The following SLC39A11 variants were observed in gnomAD, a reference collection of about 807,000 sequenced individuals.
The protein encoded by SLC39A11 is zinc transporter ZIP11.
Under a neutral mutation model 36.1 loss-of-function variants are expected in SLC39A11, and 33 were observed. The observed-to-expected ratio is 0.91, with a 90% CI of 0.69 to 1.22. SLC39A11 has a LOEUF of 1.22. Ranked by LOEUF, SLC39A11 falls within the 50% of genes most tolerant of loss-of-function variation. The probability of loss-of-function intolerance (pLI) is 0.00; values close to 1 mark genes in which losing one functional copy is unlikely to be tolerated. For synonymous variants in SLC39A11, 166 were observed against 170.3 expected (o/e 0.97, Z 0.20); for missense variants, 432 against 430.3 (o/e 1.00, Z -0.03).
chr17:72,693,908 C>T (rs528366346), intron 7 of SLC39A11, among the ~76,000 whole-genome samples: 5 of 152,278 alleles, frequency 3.3e-5, no homozygotes, highest in South Asian at 2.1e-4. Context: ...GTGATCCACC[C>T]GCCTCGGCCT....
chr17:72,710,201 T>G (rs1311286300), intron 7 of SLC39A11, among the ~76,000 whole-genome samples: 1 of 152,256 alleles, frequency 6.6e-6, no homozygotes, highest in Non-Finnish European at 1.5e-5. Context: ...TGCCAGTGAC[T>G]TTCTACTCTG....
In SLC39A11 at chr17:72,704,144, T is replaced by C. The variant is rs78934607; in HGVS notation, c.671+32506A>G. On this transcript the variant is annotated intron_variant, in intron 7 of 9. Coordinates refer to ENST00000255559, the MANE Select transcript of SLC39A11 (RefSeq NM_139177.4). ...CTCTTTCCAAAACAACAACAACTAT[T>C]ATTTTTACCAGAGCATACCTGCTAT... Among the ~76,000 whole-genome samples the C allele has an allele frequency of 7.9e-3, 1,201 of 152,284 alleles. 16 individuals carry two copies. The highest frequency in any genetic ancestry group is 0.028 in the African/African-American group (1,156 of 41,544).
At chr17:72,939,736 G>C (rs1222226523) in intron 5 of SLC39A11, among the ~76,000 whole-genome samples, 1 of 152,148 alleles carries the variant, frequency 6.6e-6, no homozygotes, top group Non-Finnish European at 1.5e-5. Flanking sequence ...GAGAGAGTGT[G>C]GCCCTGCTGA....
chr17:72,804,936 A>G (rs994485138), intron 6 of SLC39A11, among the ~76,000 whole-genome samples: 15 of 152,204 alleles, frequency 9.9e-5, no homozygotes, highest in Middle Eastern at 3.4e-3. Flanking sequence ...GAATCACTTG[A>G]ACCCGGGAGG....
At chr17:72,718,131 G>A (rs2073486291) in intron 7 of SLC39A11, among the ~76,000 whole-genome samples, 1 of 152,148 alleles carries the variant, frequency 6.6e-6, no homozygotes, top group African/African-American at 2.4e-5. Flanking sequence ...ATTTCGTAAT[G>A]AGCCAAATGA....
intron 6 of SLC39A11, among the ~76,000 whole-genome samples, chr17:72,830,191 C>T (rs1179614317): frequency 6.6e-6 from 1 of 152,214 alleles, no homozygotes; most frequent in Non-Finnish European, 1.5e-5. Context: ...AAAATTTAAA[C>T]TCCCCACTGG....
intron 6 of SLC39A11, among the ~76,000 whole-genome samples, chr17:72,770,445 C>T (rs1312092115): frequency 6.6e-6 from 1 of 152,222 alleles, no homozygotes; most frequent in Non-Finnish European, 1.5e-5. Flanking sequence ...TTAGAGGACA[C>T]TTTTGGCTCA....
At chr17:72,682,051 G>T (rs2071531370) in intron 7 of SLC39A11, among the ~76,000 whole-genome samples, 1 of 152,054 alleles carries the variant, frequency 6.6e-6, no homozygotes, top group Non-Finnish European at 1.5e-5. Flanking sequence ...CATCAGATCA[G>T]CGGCAGCATT....
rs1555667413 is a variant in SLC39A11 at position 72,773,677 on chromosome 17, ACC to A, written c.602-36960_602-36959del. Among the ~76,000 whole-genome samples the A allele has an allele frequency of 1.2e-3, 176 of 148,602 alleles. 1 individual carries two copies. Among genetic ancestry groups the A allele is most frequent in the African/African-American group, 1.2e-3 (45 of 38,924 alleles). ...CACACACACACACACACACACACAC[ACC>A]CAGTATATAAAGGATATCAGTGTCA... On this transcript the variant is annotated intron_variant, in intron 6 of 9. Coordinates refer to ENST00000255559, the MANE Select transcript of SLC39A11 (RefSeq NM_139177.4).
intron 7 of SLC39A11, among the ~76,000 whole-genome samples, chr17:72,670,174 C>T (rs1343415822): frequency 1.4e-4 from 8 of 55,264 alleles, no homozygotes; most frequent in African/African-American, 5.7e-4. Context: ...CACACACACA[C>T]ACACACACAC....
chr17:72,994,117 A>G (rs957636013), intron 4 of SLC39A11, among the ~76,000 whole-genome samples: 1 of 152,160 alleles, frequency 6.6e-6, no homozygotes. Context: ...ACTTTTCTTC[A>G]TAAAAATCCT....
At chr17:72,767,886 G>T (rs1449831705) in intron 6 of SLC39A11, among the ~76,000 whole-genome samples, 1 of 152,100 alleles carries the variant, frequency 6.6e-6, no homozygotes, top group African/African-American at 2.4e-5. Flanking sequence ...TAGACACGAG[G>T]CTGGCCATAC....
intron 5 of SLC39A11, among the ~76,000 whole-genome samples, chr17:72,878,495 T>C (rs1027558561): frequency 1.2e-4 from 19 of 152,292 alleles, no homozygotes; most frequent in Non-Finnish European, 2.4e-4. Context: ...GGCCTGGTAT[T>C]CTCTTCCTCT....
intron 6 of SLC39A11, among the ~76,000 whole-genome samples, chr17:72,827,722 G>A (rs2078091518): frequency 1.3e-5 from 2 of 152,136 alleles, no homozygotes; most frequent in Non-Finnish European, 1.5e-5. Flanking sequence ...CCTCAACCAG[G>A]GAAGGAATAA....
At chr17:72,659,507 A>G (rs1381642300) in intron 7 of SLC39A11, among the ~76,000 whole-genome samples, 1 of 151,764 alleles carries the variant, frequency 6.6e-6, no homozygotes, top group Non-Finnish European at 1.5e-5. Context: ...CCAAGCCAAC[A>G]TACAAACAAA....
intron 3 of SLC39A11, among the ~76,000 whole-genome samples, chr17:73,062,194 T>G (rs950456026): frequency 6.6e-6 from 1 of 151,838 alleles, no homozygotes; most frequent in East Asian, 1.9e-4. Flanking sequence ...GCGCAGTAGT[T>G]CATACCTGTA....
intron 7 of SLC39A11, among the ~76,000 whole-genome samples, chr17:72,731,642 C>A (rs1473351191): frequency 2.6e-5 from 4 of 152,082 alleles, no homozygotes; most frequent in Non-Finnish European, 5.9e-5. Flanking sequence ...CTCAGTTTCC[C>A]CTATCGCTAG....
At chr17:73,046,308 G>C (rs1338352196) in intron 3 of SLC39A11, among the ~76,000 whole-genome samples, 1 of 152,110 alleles carries the variant, frequency 6.6e-6, no homozygotes. Flanking sequence ...TGAAAATACA[G>C]GTTCTGAAAG....
At chr17:72,942,977 T>TA (rs2085208201) in intron 5 of SLC39A11, among the ~76,000 whole-genome samples, 1 of 152,148 alleles carries the variant, frequency 6.6e-6, no homozygotes, top group Non-Finnish European at 1.5e-5. Context: ...AATGGGCCAA[T>TA]ACCTCCCTGT....
Sources: gnomAD v4.1 joint callset for allele counts (sites outside exome capture counted in the v4.1 genomes callset) on GRCh38, gnomAD v4.1.1 for gene constraint, MANE v1.5 for transcripts, NCBI Gene and HGNC (gene_info 2026-07-23, HGNC 2026-07-21) for gene names.